Variants in XPO6 observed in about 807,000 individuals in gnomAD.
XPO6 encodes the protein exportin 6, also known as exportin-6.
A neutral mutation model predicts 130.0 loss-of-function variants in XPO6; 3 were observed. The observed-to-expected ratio is 0.02, with a 90% CI of 0.01 to 0.06. XPO6 has a LOEUF of 0.06. Ranked by LOEUF, XPO6 falls within the 10% of genes least tolerant of loss-of-function variation. The pLI is 1.00. For synonymous variants in XPO6, 524 were observed against 548.9 expected, an observed-to-expected ratio of 0.95 and a Z score of 0.63; for missense variants, 970 against 1,393.0, an observed-to-expected ratio of 0.70 and a Z score of 4.83.
intron 4 of XPO6, chr16:28,173,086 AATCCAG>A (rs1323169789): frequency 6.6e-6 from 1 of 152,236 alleles, no homozygotes; most frequent in Non-Finnish European, 1.5e-5. Flanking sequence ...TATTAGAAGT[AATCCAG>A]AGATGGTCTA....
At chr16:28,141,062 C>T (rs527644765) in intron 9 of XPO6, among the ~76,000 whole-genome samples, 1 of 152,346 alleles carries the variant, frequency 6.6e-6, no homozygotes, top group East Asian at 1.9e-4. Flanking sequence ...TGATCTAAAC[C>T]TAGTTCACAC....
intron 2 of XPO6, among the ~76,000 whole-genome samples, chr16:28,180,466 T>A (rs1359868192): frequency 6.6e-6 from 1 of 152,134 alleles, no homozygotes; most frequent in Non-Finnish European, 1.5e-5. Context: ...CTGGGCACTA[T>A]TAGGTTCAGA....
At chr16:28,131,935 G>C (rs907263208) in intron 12 of XPO6, among the ~76,000 whole-genome samples, 1 of 152,108 alleles carries the variant, frequency 6.6e-6, no homozygotes, top group African/African-American at 2.4e-5. Context: ...CAGGGGGCAG[G>C]GGGACCACAG....
intron 6 of XPO6, among the ~76,000 whole-genome samples, chr16:28,166,218 C>T (rs1260294646): frequency 6.6e-6 from 1 of 152,158 alleles, no homozygotes; most frequent in Non-Finnish European, 1.5e-5. Flanking sequence ...GAAGGACAAG[C>T]AGACGTTTCA....
intron 6 of XPO6, among the ~76,000 whole-genome samples, chr16:28,164,358 A>T (rs948552977): frequency 1.3e-5 from 2 of 152,252 alleles, no homozygotes; most frequent in Non-Finnish European, 2.9e-5. Flanking sequence ...GAACAAAAGC[A>T]TCAAAATGAA....
chr16:28,156,544 CT>C lies in XPO6; in HGVS notation c.644-18del. ...GTAAGTCACCTGAAAATAAGAAAGG[CT>C]TTTAAGCTATCCAGCATCAAATCTC... On this transcript the variant is annotated intron_variant, in intron 6 of 23. Transcript: ENST00000304658. 6.6e-7 allele frequency: 1 copy of C among 1,519,168 alleles called. No individual in the cohort carries two copies. Among genetic ancestry groups the C allele is most frequent in the Non-Finnish European group, 8.8e-7 (1 of 1,133,212 alleles). 94.1% of individuals were successfully genotyped at this position (1,519,168 alleles called of 1,614,324 possible).
chr16:28,165,191 T>G (rs1316175031), intron 6 of XPO6: 1 of 152,210 alleles, frequency 6.6e-6, no homozygotes, highest in Non-Finnish European at 1.5e-5. Flanking sequence ...CACTCCAGTC[T>G]GGGTGACAGA....
rs576057709 is a variant in XPO6, at chr16:28,098,483, T to C, written c.*55A>G. ...TCTGGGAGACATCTGTGGTGGAAGG[T>C]AGGGCTGGCGCAGGTGGCAGCAGCA... On this transcript the variant is annotated 3_prime_UTR_variant, in exon 24 of 24. Coordinates refer to ENST00000304658, the MANE Select transcript of XPO6 (RefSeq NM_015171.4). 8 of 1,495,196 alleles carry C rather than the reference T, an allele frequency of 5.4e-6. No homozygotes were observed. The highest frequency in any genetic ancestry group is 2.4e-5 in the South Asian group (2 of 84,070). The allele number at this position is 1,495,196 out of a possible 1,614,324, so 92.6% of individuals were successfully genotyped here. A position where few individuals can be genotyped will look rare whatever the true frequency, so the allele number is the denominator to read the frequency against.
chr16:28,137,329 C>T (rs958122378), intron 9 of XPO6, among the ~76,000 whole-genome samples: 3 of 152,240 alleles, frequency 2.0e-5, no homozygotes, highest in African/African-American at 7.2e-5. Context: ...GGTGAAGCCA[C>T]TTCCTGTACT....
intron 1 of XPO6, among the ~76,000 whole-genome samples, chr16:28,188,710 A>T (rs2043735885): frequency 6.6e-6 from 1 of 150,902 alleles, no homozygotes; most frequent in African/African-American, 2.4e-5. Context: ...GGAGAGAAAA[A>T]AATCTTTGAC....
chr16:28,132,312 T>C lies in XPO6; in HGVS notation c.1606+22A>G. On this transcript the variant is annotated intron_variant, in intron 12 of 23. Transcript: ENST00000304658. This position sits in a 1 kb window ranked among gnomAD's most constrained non-coding sequence, Gnocchi z 4.0. ...TGGTTTTTTGAATGTTTGGTTAAAT[T>C]AGAAAATAAAAACCAGTTTACCTGA... 1 of 1,552,696 alleles carries C rather than the reference T, an allele frequency of 6.4e-7. No individual in the cohort carries two copies. Among genetic ancestry groups the C allele is most frequent in the East Asian group, 2.3e-5 (1 of 44,188 alleles).
intron 21 of XPO6, 84 bp from the exon 22 acceptor site, chr16:28,102,029 G>A (rs767795346): frequency 1.0e-4 from 117 of 1,150,382 alleles, no homozygotes; most frequent in Non-Finnish European, 1.4e-4. Flanking sequence ...ACAAGTGCCA[G>A]GGCCAGGGTA....
At chr16:28,166,700 T>A in intron 5 of XPO6, 115 bp from the exon 6 acceptor site, 1 of 1,500,842 alleles carries the variant, frequency 6.7e-7, no homozygotes, top group East Asian at 2.5e-5. Context: ...GAACATCCCT[T>A]TCTTGACCAT....
Position 28,101,480 on chromosome 16 carries a change from C to T in XPO6, c.3254G>A (p.Gly1085Glu). ...CACCCGATCCATCTTGAAATTCCGCCCCAGCACACTTTTCTGGTTGGCATC... is the reference window on the plus strand; with the variant it reads ...CACCCGATCCATCTTGAAATTCCGCTCCAGCACACTTTTCTGGTTGGCATC... ...GVDANQKSVL[G>E]RNFKMDRDLP... Residue 1085 changes from glycine (G) to glutamate (E), a missense_variant, in exon 23 of 24, where the codon GGG becomes GAG. Physicochemically the swap from Gly to Glu is moderately conservative, Grantham distance 98 (BLOSUM62 -2). This residue lies in a region of XPO6 where 936 missense variants were observed against 1,306.8 expected (regional missense o/e 0.72). Coordinates refer to ENST00000304658, the MANE Select transcript of XPO6 (RefSeq NM_015171.4). This position sits in a 1 kb window ranked among gnomAD's most constrained non-coding sequence, Gnocchi z 5.4. 6.2e-7 allele frequency: 1 copy of T among 1,614,206 alleles called. No homozygotes were observed. The highest frequency in any genetic ancestry group is 1.3e-5 in the African/African-American group (1 of 75,056).
chr16:28,194,943 G>A (rs2043835833), intron 1 of XPO6, among the ~76,000 whole-genome samples: 1 of 148,884 alleles, frequency 6.7e-6, no homozygotes, highest in South Asian at 2.2e-4. Context: ...ACAGTTCCAT[G>A]TCTTCACACA....
Position 28,132,218 on chromosome 16 carries a change from A to T in XPO6, c.1606+116T>A. The T allele has an allele frequency of 1.3e-6, 1 of 770,118 alleles. No individual in the cohort carries two copies. Among genetic ancestry groups the T allele is most frequent in the African/African-American group, 1.8e-5 (1 of 56,014 alleles). The allele number at this position is 770,118 out of a possible 1,614,324, so 47.7% of individuals were successfully genotyped here. ...CTGTTTCGAAGTGGGGAGAGATGCC[A>T]GTGGGGAGGCTGCAGTGAAGAAATC... is the stretch of plus-strand genomic sequence containing the variant. On this transcript the variant is annotated intron_variant, in intron 12 of 23. Transcript: ENST00000304658. The surrounding 1 kb of genome is among the most constrained non-coding windows in gnomAD (Gnocchi z 4.0).
chr16:28,123,240 G>T (rs997568419), intron 13 of XPO6, among the ~76,000 whole-genome samples: 7 of 152,024 alleles, frequency 4.6e-5, no homozygotes, highest in African/African-American at 1.7e-4. Context: ...CCCATAGCGG[G>T]GACTACAGGC....
chr16:28,203,226 T>C (rs1340821018), intron 1 of XPO6, among the ~76,000 whole-genome samples: 1 of 148,774 alleles, frequency 6.7e-6, no homozygotes, highest in African/African-American at 2.5e-5. Flanking sequence ...CAGTAAGACA[T>C]GATTGCTCCA....
At chr16:28,113,303 A>G (rs2086976218) in intron 15 of XPO6, among the ~76,000 whole-genome samples, 1 of 152,096 alleles carries the variant, frequency 6.6e-6, no homozygotes, top group Non-Finnish European at 1.5e-5. Context: ...CCTTGAACTC[A>G]GGCACTTCTC....
Sources: allele counts gnomAD v4.1 joint callset (sites outside exome capture counted in the v4.1 genomes callset), GRCh38; gene constraint gnomAD v4.1.1; regional missense constraint gnomAD v4.1.1; non-coding constraint Gnocchi (gnomAD v3.1); transcripts MANE v1.5; gene names NCBI Gene and HGNC (gene_info 2026-07-23, HGNC 2026-07-21).